Variants in EMG1 observed in about 807,000 individuals in gnomAD.
EMG1 encodes EMG1 N1-specific pseudouridine methyltransferase.
Under a neutral mutation model 26.9 loss-of-function variants are expected in EMG1, and 24 were observed. That is an observed-to-expected ratio of 0.89 (90% CI 0.65 to 1.26). The LOEUF (loss-of-function observed/expected upper bound fraction) is 1.26, where lower values mean the gene tolerates loss of function less well. Ranked by LOEUF, EMG1 falls within the 50% of genes most tolerant of loss-of-function variation. EMG1 has a pLI of 0.00. For synonymous variants in EMG1, 140 were observed against 112.6 expected (o/e 1.24, Z -1.54); for missense variants, 299 against 307.6 (o/e 0.97, Z 0.21).
downstream of EMG1, among the ~76,000 whole-genome samples, chr12:6,980,500 T>A (rs919312666): frequency 6.6e-6 from 1 of 152,016 alleles, no homozygotes; most frequent in Admixed American, 6.6e-5. Context: ...GGACTACAGA[T>A]GCATGCCACT....
At position 6,977,895 on chromosome 12, in the gene EMG1, G is replaced by T; in HGVS notation, c.*2086G>T. 1.1e-6 allele frequency: 1 copy of T among 890,920 alleles called. No homozygotes were observed. The highest frequency in any genetic ancestry group is 1.7e-6 in the Non-Finnish European group (1 of 578,480). 55.2% of individuals were successfully genotyped at this position (890,920 alleles called of 1,614,324 possible). The stretch of plus-strand genomic sequence containing the variant: ...GAGGGTACAGGAGGCAGTGCTGACT[G>T]ATTACTTTTAGAGATGGAAAGCAGA... On this transcript the variant is annotated 3_prime_UTR_variant, in exon 6 of 6. Transcript: ENST00000599672. The surrounding 1 kb of genome is among the most constrained non-coding windows in gnomAD (Gnocchi z 4.5).
rs782167922 is a variant in EMG1 at position 6,977,502 on chromosome 12, G to T, written c.*1693G>T. ...TGGCGGCCAGCTTGCTCAGGGTGGGGCTCTCTTGAATGAGCCTGGCAGCCT... is the reference window on the plus strand; with the variant it reads ...TGGCGGCCAGCTTGCTCAGGGTGGGTCTCTCTTGAATGAGCCTGGCAGCCT... On this transcript the variant is annotated 3_prime_UTR_variant, in exon 6 of 6. Coordinates refer to ENST00000599672, the MANE Select transcript of EMG1 (RefSeq NM_006331.8). This position sits in a 1 kb window ranked among gnomAD's most constrained non-coding sequence, Gnocchi z 4.5. 2 of 1,614,088 alleles carry T rather than the reference G, an allele frequency of 1.2e-6. No homozygotes were observed. The highest frequency in any genetic ancestry group is 1.7e-6 in the Non-Finnish European group (2 of 1,180,048).
Position 6,979,070 on chromosome 12 carries a change from G to A in EMG1, c.*3261G>A, listed in dbSNP as rs868954126. 1 of 297,268 alleles carries A rather than the reference G, an allele frequency of 3.4e-6. No individual in the cohort carries two copies. The highest frequency in any genetic ancestry group is 5.7e-5 in the South Asian group (1 of 17,564). 18.4% of individuals were successfully genotyped at this position (297,268 alleles called of 1,614,324 possible). On this transcript the variant is annotated 3_prime_UTR_variant, in exon 6 of 6. Transcript: ENST00000599672. ...AACTGTTTTCAAGCCTTTCAGCTGG[G>A]CAGGAGCAAAAGCCAGCACTTCCCC... is the stretch of plus-strand genomic sequence containing the variant.
downstream of EMG1, among the ~76,000 whole-genome samples, chr12:6,988,839 C>T (rs782494878): frequency 6.6e-6 from 1 of 152,126 alleles, no homozygotes; most frequent in Non-Finnish European, 1.5e-5. Context: ...TTTGTAAGAA[C>T]TTGTTGGCCG....
At chr12:6,981,265 C>T (rs2138332415), downstream of EMG1, 1 of 1,138,018 alleles carries the variant, frequency 8.8e-7, no homozygotes, top group East Asian at 2.4e-5. Flanking sequence ...CACCTGTGTG[C>T]CCCACTGACT....
Position 6,978,212 on chromosome 12 carries a change from T to G in EMG1, c.*2403T>G. 5.4e-6 allele frequency: 6 copies of G among 1,101,388 alleles called. No individual in the cohort carries two copies. Among genetic ancestry groups the G allele is most frequent in the South Asian group, 1.6e-5 (1 of 63,178 alleles). The allele number at this position is 1,101,388 out of a possible 1,614,324, so 68.2% of individuals were successfully genotyped here. On this transcript the variant is annotated 3_prime_UTR_variant, in exon 6 of 6. Coordinates refer to ENST00000599672, the MANE Select transcript of EMG1 (RefSeq NM_006331.8). ...GGGTATAGGTGGGGGTCAAAGTCAG[T>G]GTGAGCGACAGGGGGTTCTGCCCAG...
chr12:6,974,995 GA>G (rs1437449888), intron 3 of EMG1, 94 bp from the exon 4 acceptor site: 16 of 1,239,942 alleles, frequency 1.3e-5, no homozygotes, highest in Non-Finnish European at 1.8e-5. Flanking sequence ...AGCACACAGG[GA>G]ACTCATCTTA....
chr12:6,983,549 G>A, downstream of EMG1: 1 of 1,546,564 alleles, frequency 6.5e-7, no homozygotes, highest in Non-Finnish European at 8.9e-7. Context: ...CCTAGATGGG[G>A]GAAAAGATAA....
At chr12:6,971,134 TG>T (rs1331698077) in intron 1 of EMG1, 43 bp downstream of exon 1, 4 of 1,529,640 alleles carry the variant, frequency 2.6e-6, no homozygotes, top group Non-Finnish European at 2.7e-6. Context: ...ATCGATAGGT[TG>T]GGACTCCGTG....
chr12:6,996,993 C>A (rs920447825), intron 7 of EMG1, among the ~76,000 whole-genome samples: 1 of 147,638 alleles, frequency 6.8e-6, no homozygotes, highest in Non-Finnish European at 1.5e-5. Flanking sequence ...CAGGCAGAGT[C>A]TGAAATTGAT....
rs1398846230 is a variant in EMG1 at position 6,979,667 on chromosome 12, T to G, written c.*3858T>G. 6 of 901,716 alleles carry G rather than the reference T, an allele frequency of 6.7e-6. No individual in the cohort carries two copies. The African/African-American group carries it at 8.2e-5, about 12-fold the overall frequency. The allele number at this position is 901,716 out of a possible 1,614,324, so 55.9% of individuals were successfully genotyped here. A position where few individuals can be genotyped will look rare whatever the true frequency, so the allele number is the denominator to read the frequency against. On this transcript the variant is annotated 3_prime_UTR_variant, in exon 6 of 6. Transcript: ENST00000599672. ...ACCTTCAGTTATGGAGAGGAGTGTT[T>G]AGGGGTGTGGTTGTCTACCTGGAAT...
At chr12:6,990,224 T>C (rs782620897), downstream of EMG1, among the ~76,000 whole-genome samples, 2 of 146,998 alleles carry the variant, frequency 1.4e-5, no homozygotes, top group South Asian at 2.2e-4. Flanking sequence ...ATAAAAAAAA[T>C]ATAAGCGGGG....
intron 7 of EMG1, among the ~76,000 whole-genome samples, chr12:6,994,237 T>C (rs1555155831): frequency 6.6e-6 from 1 of 152,168 alleles, no homozygotes; most frequent in East Asian, 1.9e-4. Flanking sequence ...GGACAGAGTC[T>C]CTCTGTGTTG....
chr12:6,971,391 A>G (rs1555152253), intron 1 of EMG1, among the ~76,000 whole-genome samples: 1 of 150,174 alleles, frequency 6.7e-6, no homozygotes, highest in Non-Finnish European at 1.5e-5. Context: ...CTCCTGACTC[A>G]GCCTCTGGAG....
downstream of EMG1, among the ~76,000 whole-genome samples, chr12:6,984,660 C>G (rs1274245977): frequency 6.6e-6 from 1 of 152,216 alleles, no homozygotes; most frequent in Admixed American, 6.5e-5. Context: ...GATCATCGCT[C>G]ACTGCAGCCT....
downstream of EMG1, chr12:6,982,825 C>T: frequency 1.5e-6 from 2 of 1,324,952 alleles, no homozygotes; most frequent in Non-Finnish European, 2.2e-6. Flanking sequence ...TTTACACTCC[C>T]ACCGTCCTGA....
chr12:6,986,092 T>A (rs1010901610), intron 6 of EMG1, among the ~76,000 whole-genome samples: 6 of 152,068 alleles, frequency 3.9e-5, no homozygotes, highest in Admixed American at 6.5e-5. Context: ...GTTTTTTTTT[T>A]AATTGCTGTT....
rs1946348477 is a variant in EMG1, at chr12:6,972,787, T to C, written c.169-1552T>C. 1.3e-5 allele frequency among the ~76,000 whole-genome samples: 2 copies of C among 152,218 alleles called. 1 individual carries two copies. The highest frequency in any genetic ancestry group is 4.1e-4 in the South Asian group (2 of 4,836). ...TTCATATATAATCACTGCCCTTTAGTGTCTCAGCTCCCAATTTTCCTCAAA... is the reference window on the plus strand; with the variant it reads ...TTCATATATAATCACTGCCCTTTAGCGTCTCAGCTCCCAATTTTCCTCAAA... On this transcript the variant is annotated intron_variant, in intron 1 of 5. Coordinates refer to ENST00000599672, the MANE Select transcript of EMG1 (RefSeq NM_006331.8).
intron 6 of EMG1, among the ~76,000 whole-genome samples, chr12:6,985,479 T>C (rs782642052): frequency 1.3e-3 from 201 of 152,064 alleles, no homozygotes; most frequent in African/African-American, 4.6e-3. Flanking sequence ...TTTGGGAGGC[T>C]GAGGTGGGTG....
Sources: allele counts gnomAD v4.1 joint callset (sites outside exome capture counted in the v4.1 genomes callset), GRCh38; gene constraint gnomAD v4.1.1; non-coding constraint Gnocchi (gnomAD v3.1); transcripts MANE v1.5; gene names NCBI Gene and HGNC (gene_info 2026-07-23, HGNC 2026-07-21).